The following FBXL13 variants were observed in gnomAD, a reference collection of about 807,000 sequenced individuals.
The protein encoded by FBXL13 is F-box and leucine rich repeat protein 13.
A neutral mutation model predicts 83.6 loss-of-function variants in FBXL13; 67 were observed. The observed-to-expected ratio is 0.80, with a 90% CI of 0.66 to 0.98. The LOEUF (loss-of-function observed/expected upper bound fraction) is 0.98. Ranked by LOEUF, FBXL13 falls within the 50% of genes least tolerant of loss-of-function variation. The probability of loss-of-function intolerance (pLI) is 0.00; values close to 1 mark genes in which losing one functional copy is unlikely to be tolerated. For synonymous variants in FBXL13, 272 were observed against 299.5 expected (o/e 0.91, Z 0.95); for missense variants, 822 against 866.5 (o/e 0.95, Z 0.64).
chr7:102,894,118 C>A (rs750335066), intron 11 of FBXL13, among the ~76,000 whole-genome samples: 12 of 152,178 alleles, frequency 7.9e-5, no homozygotes, highest in Non-Finnish European at 1.3e-4. Context: ...CCTGGACATG[C>A]CTGTGTGGCT....
chr7:103,006,755 GAGAGAAACCAAAAATAGAAACACAC>G (rs1791031824), intron 6 of FBXL13, among the ~76,000 whole-genome samples: 2 of 151,878 alleles, frequency 1.3e-5, no homozygotes, highest in South Asian at 4.1e-4. Flanking sequence ...AAATAACTAA[GAGAGAAACCAAAAATAGAAACACAC>G]AGAGAAATTG....
chr7:102,975,879 C>G (rs1019722807), intron 6 of FBXL13: 2 of 729,788 alleles, frequency 2.7e-6, no homozygotes, highest in African/African-American at 3.5e-5. Flanking sequence ...AAATGCTTGC[C>G]TCCTCCATCA....
At chr7:102,864,714 T>A (rs1177543540) in intron 16 of FBXL13, among the ~76,000 whole-genome samples, 2 of 151,062 alleles carry the variant, frequency 1.3e-5, no homozygotes, top group Non-Finnish European at 2.9e-5. Context: ...GTGCAATGCC[T>A]CCATCTCCTT....
At chr7:103,059,314 T>A (rs988060137) in intron 1 of FBXL13, among the ~76,000 whole-genome samples, 2 of 152,184 alleles carry the variant, frequency 1.3e-5, no homozygotes, top group African/African-American at 2.4e-5. Context: ...TCACTGTTTG[T>A]CTTTTTCCCT....
At chr7:103,004,039 A>G (rs1028641094) in intron 6 of FBXL13, among the ~76,000 whole-genome samples, 13 of 152,182 alleles carry the variant, frequency 8.5e-5, no homozygotes, top group African/African-American at 3.1e-4. Flanking sequence ...TTACCATCTT[A>G]TTACTATCAA....
chr7:103,014,859 G>C (rs1205964675), intron 6 of FBXL13, among the ~76,000 whole-genome samples: 1 of 143,060 alleles, frequency 7.0e-6, no homozygotes, highest in Non-Finnish European at 1.5e-5. Flanking sequence ...GGGGGGCGGA[G>C]CCTGCAGTGA....
At position 103,017,979 on chromosome 7, in the gene FBXL13, C is replaced by T. The variant is rs1792586199; in HGVS notation, c.495+7084G>A. Among the ~76,000 whole-genome samples, 4 of 152,018 alleles carry T rather than the reference C, an allele frequency of 2.6e-5. 1 individual carries two copies. The highest frequency in any genetic ancestry group is 2.6e-4 in the Admixed American group (4 of 15,248). On this transcript the variant is annotated intron_variant, in intron 6 of 19. Coordinates refer to ENST00000313221, the Ensembl canonical transcript of FBXL13. ...AATTCAGGAAATACCGAGAACGCCA[C>T]AAAGATACTCCTCGAGAAGAGCAAC...
At chr7:103,042,991 G>A (rs2129493066) in intron 2 of FBXL13, among the ~76,000 whole-genome samples, 1 of 152,302 alleles carries the variant, frequency 6.6e-6, no homozygotes, top group Middle Eastern at 3.4e-3. Context: ...AAACTAAAGA[G>A]CTTCTGCTCA....
intron 6 of FBXL13, among the ~76,000 whole-genome samples, chr7:103,004,902 T>C (rs2129485912): frequency 6.6e-6 from 1 of 152,310 alleles, no homozygotes. Context: ...GAGACGTTAC[T>C]CCTTCAACTA....
At chr7:102,984,412 G>C in intron 6 of FBXL13, among the ~76,000 whole-genome samples, 1 of 152,116 alleles carries the variant, frequency 6.6e-6, no homozygotes, top group East Asian at 1.9e-4. Context: ...GAGAGAGAAA[G>C]ATAATTACTT....
intron 8 of FBXL13, among the ~76,000 whole-genome samples, chr7:102,946,308 T>G (rs561151255): frequency 3.8e-4 from 58 of 152,312 alleles, no homozygotes; most frequent in African/African-American, 1.3e-3. Context: ...GGAATCAAGG[T>G]AGAGGGTTTA....
chr7:103,027,245 G>A (rs1042663968), intron 5 of FBXL13, among the ~76,000 whole-genome samples: 1 of 151,000 alleles, frequency 6.6e-6, no homozygotes, highest in Non-Finnish European at 1.5e-5. Flanking sequence ...GCAGTGAGCC[G>A]AGATCACACC....
intron 19 of FBXL13, among the ~76,000 whole-genome samples, chr7:102,815,938 TATAAG>T (rs1487552007): frequency 1.3e-5 from 2 of 152,178 alleles, no homozygotes; most frequent in East Asian, 1.9e-4. Context: ...GACTCCTTAA[TATAAG>T]ATAAGGAAAA....
chr7:102,919,164 A>G (rs1009301029), intron 10 of FBXL13, among the ~76,000 whole-genome samples: 11 of 152,234 alleles, frequency 7.2e-5, no homozygotes, highest in Non-Finnish European at 1.5e-4. Context: ...GGAATTATTT[A>G]CACCACAGAA....
rs1048432432 is a variant in FBXL13, at chr7:102,931,989, G to C, written c.725-56C>G. ...TACATATTGCAAATGTTTAAACAAA[G>C]TTTTTCTATCTTACATTGAATGCAA... On this transcript the variant is annotated intron_variant, in intron 8 of 19. Coordinates refer to ENST00000313221, the Ensembl canonical transcript of FBXL13. 6 of 1,526,522 alleles carry C rather than the reference G, an allele frequency of 3.9e-6. No individual in the cohort carries two copies. The African/African-American group carries it at 8.2e-5, about 21-fold the overall frequency. 94.6% of individuals were successfully genotyped at this position (1,526,522 alleles called of 1,614,324 possible). A position where few individuals can be genotyped will look rare whatever the true frequency, so the allele number is the denominator to read the frequency against.
intron 11 of FBXL13, among the ~76,000 whole-genome samples, chr7:102,887,878 T>C (rs1200024395): frequency 6.6e-6 from 1 of 152,206 alleles, no homozygotes; most frequent in East Asian, 1.9e-4. Flanking sequence ...ATGCTAATAG[T>C]GATTATCTCT....
intron 8 of FBXL13, among the ~76,000 whole-genome samples, chr7:102,948,213 G>A (rs184611547): frequency 4.0e-5 from 6 of 151,878 alleles, no homozygotes; most frequent in East Asian, 3.9e-4. Flanking sequence ...ACAGGCGCCC[G>A]CCACCATGCC....
At chr7:102,966,374 C>A (rs945224059) in intron 7 of FBXL13, among the ~76,000 whole-genome samples, 1 of 152,088 alleles carries the variant, frequency 6.6e-6, no homozygotes, top group African/African-American at 2.4e-5. Flanking sequence ...GTTCCAGGAC[C>A]ACACTTTGAG....
chr7:102,966,302 T>C (rs117035862), intron 7 of FBXL13, among the ~76,000 whole-genome samples: 3,351 of 152,250 alleles, frequency 0.022, 52 homozygotes, highest in Non-Finnish European at 0.033. Context: ...ACTCAGTAGG[T>C]CTGGGATGGG....
Sources: gnomAD v4.1 joint callset for allele counts (sites outside exome capture counted in the v4.1 genomes callset) on GRCh38, gnomAD v4.1.1 for gene constraint, MANE v1.5 for transcripts, NCBI Gene and HGNC (gene_info 2026-07-23, HGNC 2026-07-21) for gene names.